COL4A2: variants seen among roughly 807,000 people sequenced by gnomAD.
COL4A2 encodes the protein collagen alpha-2(IV) chain.
A neutral mutation model predicts 200.2 loss-of-function variants in COL4A2; 99 were observed. The observed-to-expected ratio is 0.49, with a 90% CI of 0.42 to 0.58. COL4A2 has a LOEUF of 0.58. COL4A2 is among the 20% of genes least tolerant of loss of function. The pLI is 0.00. For missense variants in COL4A2, 1,950 were observed against 2,314.1 expected (o/e 0.84, Z 3.23); for synonymous variants, 897 against 900.6 (o/e 1.00, Z 0.07).
chr13:110,475,161 G>A (rs1217961545), intron 29 of COL4A2, among the ~76,000 whole-genome samples: 1 of 152,252 alleles, frequency 6.6e-6, no homozygotes, highest in Non-Finnish European at 1.5e-5. Context: ...GAAATTACGA[G>A]GATGGGGAGG....
In COL4A2 at chr13:110,500,232, C is replaced by T. The variant is rs115034264; in HGVS notation, c.3761-1436C>T. ...CAGAAAACCACTGTTGCTACCTTTT[C>T]TCATTTTTATAGATTTGCACTGTTT... On this transcript the variant is annotated intron_variant, in intron 40 of 47. Transcript: ENST00000360467. Among the ~76,000 whole-genome samples the T allele has an allele frequency of 6.2e-3, 938 of 152,332 alleles. 8 individuals carry two copies. The highest frequency in any genetic ancestry group is 0.022 in the African/African-American group (901 of 41,562).
intron 34 of COL4A2, among the ~76,000 whole-genome samples, chr13:110,487,069 T>G (rs1470429881): frequency 1.3e-5 from 2 of 152,210 alleles, no homozygotes; most frequent in Non-Finnish European, 2.9e-5. Flanking sequence ...TACAGAATTC[T>G]TCAGGGGTCT....
chr13:110,425,134 A>G, intron 6 of COL4A2, 137 bp downstream of exon 6: 1 of 961,846 alleles, frequency 1.0e-6, no homozygotes, highest in South Asian at 1.6e-5. Context: ...ATACGTGCGT[A>G]TTCTCCCCGC....
In COL4A2 at chr13:110,449,659, G is replaced by A. The variant is rs1009012808; in HGVS notation, c.1079-20G>A. 3.9e-6 allele frequency: 6 copies of A among 1,533,616 alleles called. No homozygotes were observed. In the Admixed American group the frequency reaches 8.8e-5, roughly 22 times the overall value. On this transcript the variant is annotated intron_variant, in intron 18 of 47. Transcript: ENST00000360467. The stretch of plus-strand genomic sequence containing the variant: ...TAGACCACGGTCTTGTTCTTACTGT[G>A]GGACTTGTTTCCCTTCCAGGTGCCA...
At chr13:110,462,569 A>G in intron 24 of COL4A2, 185 bp downstream of exon 24, 1 of 586,842 alleles carries the variant, frequency 1.7e-6, no homozygotes, top group Non-Finnish European at 3.0e-6. Flanking sequence ...CGGTGAATTA[A>G]GTTAGAAGCC....
intron 3 of COL4A2, among the ~76,000 whole-genome samples, chr13:110,312,817 G>A (rs1594139062): frequency 6.6e-6 from 1 of 152,236 alleles, no homozygotes; most frequent in African/African-American, 2.4e-5. Flanking sequence ...AATCCAGCCT[G>A]TTGCTAACCG....
intron 16 of COL4A2, among the ~76,000 whole-genome samples, chr13:110,444,145 T>C (rs1881236612): frequency 6.6e-6 from 1 of 152,214 alleles, no homozygotes; most frequent in Non-Finnish European, 1.5e-5. Flanking sequence ...CCTTCCCCAA[T>C]GGGTTTTCTA....
intron 10 of COL4A2, among the ~76,000 whole-genome samples, chr13:110,431,256 C>T (rs144581041): frequency 6.6e-6 from 1 of 152,260 alleles, no homozygotes; most frequent in East Asian, 1.9e-4. Context: ...ATTTGGGCTG[C>T]AGGTGAGAGA....
intron 16 of COL4A2, among the ~76,000 whole-genome samples, chr13:110,441,673 G>A (rs1163176191): frequency 1.3e-5 from 2 of 152,154 alleles, no homozygotes; most frequent in African/African-American, 2.4e-5. Context: ...AGACATTATC[G>A]TTCAAAAGTA....
chr13:110,316,491 T>C (rs554776499), intron 3 of COL4A2, among the ~76,000 whole-genome samples: 1 of 152,306 alleles, frequency 6.6e-6, no homozygotes, highest in African/African-American at 2.4e-5. Context: ...CCTCCCCGCC[T>C]TCCAGTGACA....
intron 3 of COL4A2, among the ~76,000 whole-genome samples, chr13:110,352,168 G>T (rs143468552): frequency 3.9e-5 from 6 of 152,314 alleles, no homozygotes; most frequent in African/African-American, 1.4e-4. Flanking sequence ...GTTAGGGGTA[G>T]CCAGTCTGTC....
In COL4A2 at chr13:110,480,375, A is replaced by AC. The variant is rs751972826; in HGVS notation, c.2748dup (p.Gly917ArgfsTer6). 2.5e-6 allele frequency: 4 copies of AC among 1,611,278 alleles called. No homozygotes were observed. Among genetic ancestry groups the AC allele is most frequent in the Admixed American group, 1.7e-5 (1 of 59,448 alleles). On this transcript the variant is annotated frameshift_variant, in exon 31 of 48. Coordinates refer to ENST00000360467, the MANE Select transcript of COL4A2 (RefSeq NM_001846.4). LOFTEE classifies it high-confidence loss of function. ...TAAAGGAATTGATGGAATGCCTGGG[A>AC]CCCCCGGGCTAAAAGGTAATTGTGT...
In COL4A2 at chr13:110,396,030, T is replaced by C. The variant is rs370901698; in HGVS notation, c.181-28704T>C. Among the ~76,000 whole-genome samples, 51 of 152,338 alleles carry C rather than the reference T, an allele frequency of 3.3e-4. No individual in the cohort carries two copies. In the South Asian group the frequency reaches 8.3e-3, roughly 25 times the overall value. ...ACGAGTCAAAAGAAAGAAAAGGTTTTAGTGAAAATGAATGTACTCTTCTCC... is the reference window on the plus strand; with the variant it reads ...ACGAGTCAAAAGAAAGAAAAGGTTTCAGTGAAAATGAATGTACTCTTCTCC... On this transcript the variant is annotated intron_variant, in intron 4 of 47. Transcript: ENST00000360467.
chr13:110,477,822 G>A (rs527734868), intron 29 of COL4A2, 181 bp from the exon 30 acceptor site: 18 of 481,182 alleles, frequency 3.7e-5, no homozygotes, highest in African/African-American at 6.0e-5. Context: ...AGTCATTACC[G>A]CTGGGTGATG....
chr13:110,504,323 A>G, intron 45 of COL4A2, 59 bp downstream of exon 45: 1 of 1,414,052 alleles, frequency 7.1e-7, no homozygotes, highest in Admixed American at 1.7e-5. Flanking sequence ...TGACTCACAG[A>G]CTGTGGTCTG....
chr13:110,406,945 AG>A (rs1185068267), intron 4 of COL4A2, among the ~76,000 whole-genome samples: 1 of 152,174 alleles, frequency 6.6e-6, no homozygotes, highest in Non-Finnish European at 1.5e-5. Flanking sequence ...TTATGCCTTC[AG>A]GGGCCCGGCA....
rs138161195 is a variant in COL4A2, at chr13:110,411,877, C to A, written c.181-12857C>A. ...CATATACCAGCCAAATGGCCCAAAC[C>A]TCTCTGTGCCTCAGTTTCCTCACCA... On this transcript the variant is annotated intron_variant, in intron 4 of 47. Coordinates refer to ENST00000360467, the MANE Select transcript of COL4A2 (RefSeq NM_001846.4). Among the ~76,000 whole-genome samples, 7 of 152,314 alleles carry A rather than the reference C, an allele frequency of 4.6e-5. No individual in the cohort carries two copies. The East Asian group carries it at 1.4e-3, about 29-fold the overall frequency.
chr13:110,386,410 A>T (rs1377694563), intron 4 of COL4A2, among the ~76,000 whole-genome samples: 4 of 152,226 alleles, frequency 2.6e-5, no homozygotes, highest in African/African-American at 9.7e-5. Flanking sequence ...CTGGAAAAGT[A>T]GGATGGCTCC....
intron 3 of COL4A2, among the ~76,000 whole-genome samples, chr13:110,319,113 C>A (rs567066797): frequency 6.6e-6 from 1 of 151,716 alleles, no homozygotes; most frequent in Admixed American, 6.6e-5. Context: ...CTGGTGGGTG[C>A]GGGGGCCTGT....
Sources: gnomAD v4.1 joint callset for allele counts (sites outside exome capture counted in the v4.1 genomes callset) on GRCh38, gnomAD v4.1.1 for gene constraint, MANE v1.5 for transcripts, NCBI Gene and HGNC (gene_info 2026-07-23, HGNC 2026-07-21) for gene names.